Variants in SRBD1 observed in about 807,000 individuals in gnomAD.
SRBD1 encodes the protein S1 RNA binding domain 1.
Under a neutral mutation model 115.3 loss-of-function variants are expected in SRBD1, and 88 were observed. That is an observed-to-expected ratio of 0.76 (90% CI 0.64 to 0.91). SRBD1 has a LOEUF of 0.91. Ranked by LOEUF, SRBD1 falls within the 40% of genes least tolerant of loss-of-function variation. SRBD1 has a pLI of 0.00. For synonymous variants in SRBD1, 509 were observed against 407.7 expected (o/e 1.25, Z -2.99); for missense variants, 1,385 against 1,177.4 (o/e 1.18, Z -2.58).
At chr2:45,452,190 A>T (rs925399295) in intron 16 of SRBD1, among the ~76,000 whole-genome samples, 4 of 152,042 alleles carry the variant, frequency 2.6e-5, no homozygotes, top group Admixed American at 6.6e-5. Context: ...TTTATTTTAC[A>T]GTTCAATTTC....
chr2:45,486,204 G>A (rs923667825), intron 15 of SRBD1, among the ~76,000 whole-genome samples: 13 of 152,172 alleles, frequency 8.5e-5, no homozygotes, highest in Non-Finnish European at 1.6e-4. Flanking sequence ...AGAAACAGCA[G>A]TATCTTCAGC....
rs371622052 is a variant in SRBD1 at position 45,562,747 on chromosome 2, T to C, written c.1315A>G (p.Ile439Val). The C allele has an allele frequency of 2.5e-6, 4 of 1,606,436 alleles. No homozygotes were observed. The highest frequency in any genetic ancestry group is 1.7e-4 in the Middle Eastern group (1 of 6,038). ...ACCTTCAAATTTTCTCCACGGTTAA[T>C]TGCCAGAATCTGAGTGCAAACATAA... ...RNIHHHQILA[I>V]NRGENLKVLT... is the part of the protein sequence containing the mutation. Residue 439 changes from isoleucine (I) to valine (V), a missense_variant, in exon 10 of 21, where the codon ATT (isoleucine) becomes GTT (valine). Coordinates refer to ENST00000263736, the MANE Select transcript of SRBD1 (RefSeq NM_018079.5).
intron 16 of SRBD1, among the ~76,000 whole-genome samples, chr2:45,421,376 G>A (rs1398813205): frequency 4.0e-5 from 6 of 151,340 alleles, no homozygotes; most frequent in South Asian, 2.1e-4. Context: ...GCGCCGTGGC[G>A]GACACCTGTA....
chr2:45,466,325 G>T (rs1047407598), intron 16 of SRBD1, among the ~76,000 whole-genome samples: 7 of 152,002 alleles, frequency 4.6e-5, no homozygotes, highest in African/African-American at 1.7e-4. Context: ...TCTTCCTTAG[G>T]CTATTCCTGG....
chr2:45,508,944 A>G (rs998588478), intron 14 of SRBD1, among the ~76,000 whole-genome samples: 2 of 152,188 alleles, frequency 1.3e-5, no homozygotes, highest in East Asian at 1.9e-4. Context: ...GAAAGAAAAA[A>G]AGCAGACAGA....
intron 16 of SRBD1, among the ~76,000 whole-genome samples, chr2:45,451,029 C>T (rs1190984144): frequency 6.6e-6 from 1 of 152,056 alleles, no homozygotes; most frequent in East Asian, 1.9e-4. Flanking sequence ...CAGTAGACGG[C>T]CATTTTCACA....
In SRBD1 at chr2:45,611,248, G is replaced by A. The variant is rs553260947; in HGVS notation, c.-30C>T. 5.7e-4 allele frequency: 87 copies of A among 152,322 alleles called. 1 individual carries two copies. Among genetic ancestry groups the A allele is most frequent in the African/African-American group, 2.0e-3 (84 of 41,586 alleles). 9.4% of individuals were successfully genotyped at this position (152,322 alleles called of 1,614,324 possible). ...CCGCCCGGCACGTCAGAAGACCCGA[G>A]ATTCCGTGAGTGCCACCGCACCTTC... is the stretch of plus-strand genomic sequence containing the variant. On this transcript the variant is annotated 5_prime_UTR_variant, in exon 1 of 21. Coordinates refer to ENST00000263736, the MANE Select transcript of SRBD1 (RefSeq NM_018079.5).
chr2:45,581,701 C>G lies in SRBD1; in HGVS notation c.925G>C (p.Glu309Gln), dbSNP rs768792795. 29 of 1,611,798 alleles carry G rather than the reference C, an allele frequency of 1.8e-5. No homozygotes were observed. The highest frequency in any genetic ancestry group is 2.3e-5 in the Non-Finnish European group (27 of 1,178,990). ...TAAAAAGGATTCCTTACCACGTGTTCTAGTTCTTCAAAAGTTTTACAATTC... is the reference window on the plus strand; with the variant it reads ...TAAAAAGGATTCCTTACCACGTGTTGTAGTTCTTCAAAAGTTTTACAATTC... ...MLNCKTFEEL[E>Q]HVSAPYKTGS... is the part of the protein sequence containing the mutation. Residue 309 changes from glutamate (E) to glutamine (Q), a missense_variant, in exon 6 of 21, where the codon GAA becomes CAA. Physicochemically the swap from Glu to Gln is conservative, Grantham distance 29. Coordinates refer to ENST00000263736, the MANE Select transcript of SRBD1 (RefSeq NM_018079.5).
intron 19 of SRBD1, among the ~76,000 whole-genome samples, chr2:45,396,936 CAT>C (rs1230523532): frequency 2.0e-5 from 3 of 152,154 alleles, no homozygotes; most frequent in East Asian, 1.9e-4. Flanking sequence ...GTGGGCAAAA[CAT>C]ATGATTTACA....
intron 16 of SRBD1, among the ~76,000 whole-genome samples, chr2:45,438,759 A>T (rs565031757): frequency 6.6e-6 from 1 of 152,298 alleles, no homozygotes; most frequent in East Asian, 1.9e-4. Context: ...ACAATGCACA[A>T]CTATATGTAA....
chr2:45,427,193 C>G (rs1440363841), intron 16 of SRBD1, among the ~76,000 whole-genome samples: 1 of 147,910 alleles, frequency 6.8e-6, no homozygotes, highest in Non-Finnish European at 1.5e-5. Context: ...ACATAAATGA[C>G]CTGATGAAGC....
intron 14 of SRBD1, among the ~76,000 whole-genome samples, chr2:45,492,776 T>A (rs1259367009): frequency 6.6e-6 from 1 of 152,156 alleles, no homozygotes; most frequent in Admixed American, 6.5e-5. Flanking sequence ...GGCTAACAGT[T>A]TTCACCTTCA....
At chr2:45,453,880 C>T (rs1035236193) in intron 16 of SRBD1, among the ~76,000 whole-genome samples, 6 of 151,976 alleles carry the variant, frequency 3.9e-5, no homozygotes, top group Non-Finnish European at 5.9e-5. Context: ...TTTTCCTCTT[C>T]TGATAAGCAA....
At chr2:45,486,966 A>G (rs1670140495) in intron 15 of SRBD1, among the ~76,000 whole-genome samples, 1 of 152,068 alleles carries the variant, frequency 6.6e-6, no homozygotes, top group Admixed American at 6.6e-5. Context: ...AAAAGAGTAC[A>G]TGGTAAGGAG....
rs188060775 is a variant in SRBD1, at chr2:45,453,952, T to C, written c.2049+23041A>G. ...ATTAACATAAATCTCCAGTTCATTTTAAACCTATCAAAATGTGAGTATTAA... is the reference window on the plus strand; with the variant it reads ...ATTAACATAAATCTCCAGTTCATTTCAAACCTATCAAAATGTGAGTATTAA... On this transcript the variant is annotated intron_variant, in intron 16 of 20. Transcript: ENST00000263736. Among the ~76,000 whole-genome samples, 75 of 152,126 alleles carry C rather than the reference T, an allele frequency of 4.9e-4. No individual in the cohort carries two copies. In the South Asian group the frequency reaches 0.014, roughly 29 times the overall value.
chr2:45,413,553 C>G (rs569712876), intron 18 of SRBD1, among the ~76,000 whole-genome samples: 1 of 152,000 alleles, frequency 6.6e-6, no homozygotes, highest in Non-Finnish European at 1.5e-5. Context: ...TGTAGGGAAA[C>G]AAAATAATAA....
In SRBD1 at chr2:45,476,818, CAAT is replaced by C. The variant is rs1311108724; in HGVS notation, c.2049+172_2049+174del. ...ATCAAAATCATTAACACGAGAACAA[CAAT>C]GACAAAAATAATTCCCTCCTTCCCT... On this transcript the variant is annotated intron_variant, in intron 16 of 20. Coordinates refer to ENST00000263736, the MANE Select transcript of SRBD1 (RefSeq NM_018079.5). Among the ~76,000 whole-genome samples, 8 of 152,148 alleles carry C rather than the reference CAAT, an allele frequency of 5.3e-5. No individual in the cohort carries two copies. In the East Asian group the frequency reaches 5.8e-4, roughly 11 times the overall value.
chr2:45,594,858 T>A (rs896407192), intron 4 of SRBD1, among the ~76,000 whole-genome samples: 1 of 152,220 alleles, frequency 6.6e-6, no homozygotes, highest in Non-Finnish European at 1.5e-5. Context: ...CAGGCCAGTT[T>A]CAATCTTCAA....
At chr2:45,571,367 C>T (rs950561909) in intron 9 of SRBD1, among the ~76,000 whole-genome samples, 69 of 150,336 alleles carry the variant, frequency 4.6e-4, no homozygotes, top group African/African-American at 1.7e-3. Flanking sequence ...CCTCAGTGGC[C>T]ACACATAGCA....
Sources: gnomAD v4.1 joint callset for allele counts (sites outside exome capture counted in the v4.1 genomes callset) on GRCh38, gnomAD v4.1.1 for gene constraint, MANE v1.5 for transcripts, NCBI Gene and HGNC (gene_info 2026-07-23, HGNC 2026-07-21) for gene names.